CUX1: variants seen among roughly 807,000 people sequenced by gnomAD.
CUX1 encodes the protein protein CASP.
Under a neutral mutation model 158.8 loss-of-function variants are expected in CUX1, and 31 were observed. The observed-to-expected ratio is 0.20, with a 90% confidence interval of 0.15 to 0.26. The LOEUF is 0.26. CUX1 is among the 10% of genes least tolerant of loss of function. The probability of loss-of-function intolerance (pLI) is 1.00; values close to 1 mark genes in which losing one functional copy is unlikely to be tolerated. For synonymous variants in CUX1, 879 were observed against 862.1 expected (o/e 1.02, Z -0.34); for missense variants, 1,589 against 2,014.6 (o/e 0.79, Z 4.04).
In CUX1 at chr7:102,224,973, G is replaced by A. The variant is rs1185595391; in HGVS notation, c.3131-2394G>A. Among the ~76,000 whole-genome samples the A allele has an allele frequency of 2.6e-5, 4 of 152,136 alleles. No homozygotes were observed. The East Asian group carries it at 7.7e-4, about 29-fold the overall frequency. ...AGCAAGATGGATGATCTGCCAGGCC[G>A]GCCCCTCGCATGGGTGAATCACGCC... is the stretch of plus-strand genomic sequence containing the variant. On this transcript the variant is annotated intron_variant, in intron 20 of 23. Coordinates refer to ENST00000292535, the MANE Select transcript of CUX1 (RefSeq NM_181552.4).
chr7:101,839,488 A>G (rs1031388915), intron 1 of CUX1, among the ~76,000 whole-genome samples: 1 of 152,002 alleles, frequency 6.6e-6, no homozygotes, highest in African/African-American at 2.4e-5. Context: ...TCTTTCCCCC[A>G]CAATCTCATC....
intron 2 of CUX1, among the ~76,000 whole-genome samples, chr7:101,943,879 A>G: frequency 6.6e-6 from 1 of 150,994 alleles, no homozygotes; most frequent in East Asian, 2.0e-4. Flanking sequence ...GCACTTACAG[A>G]GGCCGAGGTG....
In CUX1 at chr7:102,196,684, T is replaced by C; in HGVS notation, c.1273T>C (p.Ser425Pro). ...CCAGCCTGAAAGTCGGCGCCCGGGA[T>C]CTTTGCCGGCCCCCCCTCCTTCTCA... is the stretch of plus-strand genomic sequence containing the variant. ...KDQPESRRPG[S>P]LPAPPPSQLP... Residue 425 changes from serine to proline, a missense_variant, in exon 15 of 24, where the codon TCT becomes CCT. Around this residue, in one of 8 missense-constraint regions of CUX1, gnomAD observed 515 missense variants for 574.4 expected, o/e 0.90. Coordinates refer to ENST00000292535, the MANE Select transcript of CUX1 (RefSeq NM_181552.4). The C allele has an allele frequency of 6.2e-7, 1 of 1,601,020 alleles. No homozygotes were observed. Among genetic ancestry groups the C allele is most frequent in the Non-Finnish European group, 8.5e-7 (1 of 1,172,800 alleles).
At chr7:102,072,607 A>G (rs4729771) in intron 4 of CUX1, among the ~76,000 whole-genome samples, 127,513 of 152,190 alleles carry the variant, frequency 0.84, 53,566 homozygotes, top group East Asian at 0.99. Flanking sequence ...GAAAAGGTGG[A>G]GGTTTGCAAA....
intron 1 of CUX1, among the ~76,000 whole-genome samples, chr7:101,845,918 G>T (rs1415660285): frequency 6.6e-6 from 1 of 151,984 alleles, no homozygotes; most frequent in Non-Finnish European, 1.5e-5. Context: ...TGAGGCAGGG[G>T]AATCGCTTGA....
At chr7:102,216,549 CA>C (rs2132211439) in intron 20 of CUX1, among the ~76,000 whole-genome samples, 7 of 125,438 alleles carry the variant, frequency 5.6e-5, no homozygotes, top group Admixed American at 8.3e-5. Context: ...CACACACACC[CA>C]CACACGCACA....
At chr7:102,126,474 G>C (rs1329540694) in intron 8 of CUX1, among the ~76,000 whole-genome samples, 1 of 151,876 alleles carries the variant, frequency 6.6e-6, no homozygotes, top group African/African-American at 2.4e-5. Flanking sequence ...TAACATTTTG[G>C]CCTATTTCCA....
At chr7:101,965,114 T>G (rs1181861647) in intron 2 of CUX1, among the ~76,000 whole-genome samples, 1 of 152,214 alleles carries the variant, frequency 6.6e-6, no homozygotes, top group Non-Finnish European at 1.5e-5. Context: ...CCCCTGAGCC[T>G]CCTCGGAAAT....
In CUX1 at chr7:101,881,307, CCACAAGTCAGACAAG is replaced by C. The variant is rs553203052; in HGVS notation, c.31-34806_31-34792del. On this transcript the variant is annotated intron_variant, in intron 1 of 23. Transcript: ENST00000292535. Reference sequence around the variant, plus strand: ...GAGAAGATGAATGTTGTCAAGAAAACCACAAGTCAGACAAGCTGATTCTCTGTGAGTCTGACACCG... The same window carrying C: ...GAGAAGATGAATGTTGTCAAGAAAACCTGATTCTCTGTGAGTCTGACACCG... Among the ~76,000 whole-genome samples the C allele has an allele frequency of 5.9e-5, 9 of 152,298 alleles. No homozygotes were observed. The South Asian group carries it at 1.7e-3, about 28-fold the overall frequency.
At chr7:102,157,966 C>T (rs1361910054) in intron 8 of CUX1, among the ~76,000 whole-genome samples, 1 of 152,216 alleles carries the variant, frequency 6.6e-6, no homozygotes, top group Admixed American at 6.5e-5. Flanking sequence ...GCTGTCTGCA[C>T]TGCAGCCTGT....
chr7:101,961,321 G>A (rs1273687675), intron 2 of CUX1: 1 of 152,178 alleles, frequency 6.6e-6, no homozygotes, highest in Non-Finnish European at 1.5e-5. Flanking sequence ...TGTGAGGGTT[G>A]AACGAGCTCA....
chr7:102,151,707 G>A (rs10215627), intron 8 of CUX1, among the ~76,000 whole-genome samples: 2,352 of 120,566 alleles, frequency 0.02, 70 homozygotes, highest in African/African-American at 0.068. Context: ...CAGCCTGGGC[G>A]ACAGAGTGAG....
intron 2 of CUX1, among the ~76,000 whole-genome samples, chr7:102,020,000 A>G (rs764078114): frequency 7.9e-5 from 12 of 152,200 alleles, no homozygotes; most frequent in South Asian, 2.1e-4. Flanking sequence ...GAAAAAGACT[A>G]TTCATTTATT....
chr7:102,008,923 C>T (rs891561898), intron 2 of CUX1, among the ~76,000 whole-genome samples: 5 of 152,158 alleles, frequency 3.3e-5, no homozygotes, highest in Non-Finnish European at 7.3e-5. Flanking sequence ...CTTGATCACT[C>T]ATGGCAGTTC....
chr7:102,098,807 ATTT>A (rs112048598), intron 5 of CUX1, among the ~76,000 whole-genome samples: 104 of 67,990 alleles, frequency 1.5e-3, no homozygotes, highest in Non-Finnish European at 2.1e-3. Flanking sequence ...CGCCCAACTA[ATTT>A]TTTTTTTTTT....
In CUX1 at chr7:102,255,614, A is replaced by T; in HGVS notation, c.*6572A>T. On this transcript the variant is annotated 3_prime_UTR_variant, in exon 24 of 24. Transcript: ENST00000292535. ...TCTACCACAAAATATGCTATATGCTATGTATCAAGCTTTCTGTAATCAGAA... is the reference window on the plus strand; with the variant it reads ...TCTACCACAAAATATGCTATATGCTTTGTATCAAGCTTTCTGTAATCAGAA... 1 of 985,366 alleles carries T rather than the reference A, an allele frequency of 1.0e-6. No individual in the cohort carries two copies. Among genetic ancestry groups the T allele is most frequent in the Non-Finnish European group, 1.2e-6 (1 of 829,884 alleles). 61.0% of individuals were successfully genotyped at this position (985,366 alleles called of 1,614,324 possible). A position where few individuals can be genotyped will look rare whatever the true frequency, so the allele number is the denominator to read the frequency against.
intron 14 of CUX1, chr7:102,273,343 G>A (rs1791364535): frequency 3.7e-6 from 6 of 1,607,996 alleles, no homozygotes; most frequent in Non-Finnish European, 5.1e-6. Context: ...CCCTCTGACG[G>A]CCATGTCTTC....
chr7:101,917,600 A>G (rs1038039434), intron 2 of CUX1, among the ~76,000 whole-genome samples: 1 of 152,042 alleles, frequency 6.6e-6, no homozygotes, highest in Non-Finnish European at 1.5e-5. Flanking sequence ...AAACAGGAGG[A>G]AAAAAAGAGC....
At chr7:102,055,117 G>A (rs1823986054) in intron 3 of CUX1, among the ~76,000 whole-genome samples, 1 of 152,148 alleles carries the variant, frequency 6.6e-6, no homozygotes, top group Non-Finnish European at 1.5e-5. Context: ...TCTTTCAGCA[G>A]TGTTTTGTGG....
Sources: gnomAD v4.1 joint callset for allele counts (sites outside exome capture counted in the v4.1 genomes callset) on GRCh38, gnomAD v4.1.1 for gene constraint, gnomAD v4.1.1 regional missense constraint, MANE v1.5 for transcripts, NCBI Gene and HGNC (gene_info 2026-07-23, HGNC 2026-07-21) for gene names.